The following BMERB1 variants were observed in gnomAD, a reference collection of about 807,000 sequenced individuals.
BMERB1 encodes bMERB domain containing 1, also known as bMERB domain-containing protein 1.
Under a neutral mutation model 23.6 loss-of-function variants are expected in BMERB1, and 12 were observed. The ratio of observed to expected loss-of-function variants is 0.51; its 90% confidence interval spans 0.33 to 0.82. The LOEUF (loss-of-function observed/expected upper bound fraction) is 0.82, where lower values mean the gene tolerates loss of function less well. BMERB1 is among the 40% of genes least tolerant of loss of function. The pLI is 0.03. For synonymous variants in BMERB1, 122 were observed against 96.6 expected (o/e 1.26, Z -1.54); for missense variants, 247 against 255.4 (o/e 0.97, Z 0.22).
chr16:15,452,770 G>A (rs984362049), intron 1 of BMERB1, among the ~76,000 whole-genome samples: 2 of 152,124 alleles, frequency 1.3e-5, no homozygotes, highest in Non-Finnish European at 2.9e-5. Context: ...CAAACACAGC[G>A]AGAACTTAGC....
intron 1 of BMERB1, among the ~76,000 whole-genome samples, chr16:15,438,098 C>T (rs1315100233): frequency 6.6e-6 from 1 of 151,770 alleles, no homozygotes; most frequent in Non-Finnish European, 1.5e-5. Context: ...TTTTTCTTTT[C>T]TTTTTTGAGA....
intron 1 of BMERB1, among the ~76,000 whole-genome samples, chr16:15,466,265 A>G (rs2051179843): frequency 6.6e-6 from 1 of 152,204 alleles, no homozygotes; most frequent in South Asian, 2.1e-4. Context: ...CAGACTGTTA[A>G]AAGTTTGCCA....
At chr16:15,562,681 C>A (rs374202017) in intron 2 of BMERB1, among the ~76,000 whole-genome samples, 19 of 152,090 alleles carry the variant, frequency 1.2e-4, no homozygotes, top group Admixed American at 4.6e-4. Context: ...TTATAATAAC[C>A]AAATATGTCT....
At chr16:15,547,079 C>A (rs2029941305) in intron 2 of BMERB1, among the ~76,000 whole-genome samples, 2 of 147,686 alleles carry the variant, frequency 1.4e-5, no homozygotes, top group Admixed American at 6.9e-5. Flanking sequence ...GTGGTGCGAT[C>A]TCTGCTCACT....
chr16:15,571,799 T>C (rs2030734076), intron 3 of BMERB1, among the ~76,000 whole-genome samples: 1 of 152,102 alleles, frequency 6.6e-6, no homozygotes, highest in Non-Finnish European at 1.5e-5. Context: ...TAAATCATCG[T>C]CCCTCCGCCC....
chr16:15,573,403 C>A (rs927413702), intron 3 of BMERB1, among the ~76,000 whole-genome samples: 11 of 152,082 alleles, frequency 7.2e-5, no homozygotes, highest in Admixed American at 4.6e-4. Flanking sequence ...ATTCCAGGAT[C>A]AGAGTTTTTA....
chr16:15,512,874 G>A (rs1230843783), intron 1 of BMERB1, among the ~76,000 whole-genome samples: 4 of 148,832 alleles, frequency 2.7e-5, no homozygotes, highest in African/African-American at 5.1e-5. Flanking sequence ...GGGATACTCC[G>A]TCTCAAAAAA....
chr16:15,495,497 C>T (rs1016136628), intron 1 of BMERB1, among the ~76,000 whole-genome samples: 1 of 152,182 alleles, frequency 6.6e-6, no homozygotes, highest in Non-Finnish European at 1.5e-5. Context: ...TCCCAAGTAG[C>T]TGGGACTACA....
rs2031173004 is a variant in BMERB1 at position 15,587,269 on chromosome 16, C to G, written c.*440C>G. 1.3e-5 allele frequency: 3 copies of G among 230,868 alleles called. No individual in the cohort carries two copies. The highest frequency in any genetic ancestry group is 2.7e-5 in the Non-Finnish European group (3 of 111,614). 14.3% of individuals were successfully genotyped at this position (230,868 alleles called of 1,614,324 possible). A position where few individuals can be genotyped will look rare whatever the true frequency, so the allele number is the denominator to read the frequency against. ...CACCCTCCTAGCTCTGCTCTCAGAG[C>G]TAGGCACATGGGCACAGGTCCCCTC... On this transcript the variant is annotated 3_prime_UTR_variant, in exon 6 of 6. Transcript: ENST00000300006.
intron 1 of BMERB1, among the ~76,000 whole-genome samples, chr16:15,503,757 G>A (rs2051555016): frequency 6.6e-6 from 1 of 152,156 alleles, no homozygotes; most frequent in Non-Finnish European, 1.5e-5. Context: ...GACTTAGGGA[G>A]ATCAAGTAAT....
At chr16:15,541,823 C>T (rs1193992899) in intron 2 of BMERB1, among the ~76,000 whole-genome samples, 1 of 151,286 alleles carries the variant, frequency 6.6e-6, no homozygotes, top group African/African-American at 2.4e-5. Flanking sequence ...AGGATGGTCT[C>T]GATCTCCTGA....
intron 1 of BMERB1, among the ~76,000 whole-genome samples, chr16:15,458,015 A>G (rs1363554583): frequency 6.6e-6 from 1 of 152,190 alleles, no homozygotes; most frequent in African/African-American, 2.4e-5. Context: ...AGAACAGCAT[A>G]GGGAAAACCA....
intron 1 of BMERB1, among the ~76,000 whole-genome samples, chr16:15,491,864 G>A (rs369268484): frequency 2.6e-5 from 4 of 152,244 alleles, no homozygotes; most frequent in African/African-American, 4.8e-5. Context: ...GTCTACCCCC[G>A]TAATGGCATT....
At chr16:15,564,570 TA>T (rs1283089154) in intron 2 of BMERB1, among the ~76,000 whole-genome samples, 1 of 152,232 alleles carries the variant, frequency 6.6e-6, no homozygotes, top group African/African-American at 2.4e-5. Flanking sequence ...GGAAAAATTT[TA>T]TCACTGCCAT....
rs2031149567 is a variant in BMERB1 at position 15,586,595 on chromosome 16, G to A, written c.503-122G>A. ...TCTCCATACCACCTGAACAAGGCCTGGAACAAGACCTGGCCAGGGGTTGCA... is the reference window on the plus strand; with the variant it reads ...TCTCCATACCACCTGAACAAGGCCTAGAACAAGACCTGGCCAGGGGTTGCA... On this transcript the variant is annotated intron_variant, in intron 5 of 5. Coordinates refer to ENST00000300006, the MANE Select transcript of BMERB1 (RefSeq NM_033201.3). 7.7e-6 allele frequency: 6 copies of A among 778,940 alleles called. No homozygotes were observed. In the Admixed American group the frequency reaches 1.2e-4, roughly 16 times the overall value. The allele number at this position is 778,940 out of a possible 1,614,324, so 48.3% of individuals were successfully genotyped here. A position where few individuals can be genotyped will look rare whatever the true frequency, so the allele number is the denominator to read the frequency against.
intron 1 of BMERB1, among the ~76,000 whole-genome samples, chr16:15,479,538 A>C (rs996805706): frequency 2.0e-5 from 3 of 151,982 alleles, no homozygotes; most frequent in Non-Finnish European, 4.4e-5. Flanking sequence ...CTATTAAACT[A>C]CTCCTGCCTT....
intron 2 of BMERB1, among the ~76,000 whole-genome samples, chr16:15,542,631 A>ATTTTTTT (rs927255507): frequency 3.1e-5 from 3 of 96,860 alleles, no homozygotes; most frequent in Non-Finnish European, 6.0e-5. Context: ...CCTCCTAGGG[A>ATTTTTTT]TTTTTTTTTT....
chr16:15,489,384 T>C (rs1280118630), intron 1 of BMERB1, among the ~76,000 whole-genome samples: 1 of 152,156 alleles, frequency 6.6e-6, no homozygotes, highest in Non-Finnish European at 1.5e-5. Context: ...GGGAAATTGC[T>C]GTTCCTACCC....
chr16:15,476,759 T>C (rs1438710146), intron 1 of BMERB1, among the ~76,000 whole-genome samples: 1 of 152,146 alleles, frequency 6.6e-6, no homozygotes, highest in South Asian at 2.1e-4. Context: ...CCTGATGACA[T>C]GGCTGTGGCA....
Sources: gnomAD v4.1 joint callset for allele counts (sites outside exome capture counted in the v4.1 genomes callset) on GRCh38, gnomAD v4.1.1 for gene constraint, MANE v1.5 for transcripts, NCBI Gene and HGNC (gene_info 2026-07-23, HGNC 2026-07-21) for gene names.